LYRM4: variants seen among roughly 807,000 people sequenced by gnomAD.
LYRM4 encodes the protein LYR motif-containing protein 4.
A neutral mutation model predicts 11.7 loss-of-function variants in LYRM4; 9 were observed. That is an observed-to-expected ratio of 0.77 (90% CI 0.46 to 1.34). The LOEUF is 1.34. Among genes scored for constraint, LYRM4 ranks in the 40% most tolerant of loss-of-function variants. The pLI is 0.00. For missense variants in LYRM4, 133 were observed against 112.5 expected, an observed-to-expected ratio of 1.18 and a Z score of -0.82; for synonymous variants, 42 against 40.4, an observed-to-expected ratio of 1.04 and a Z score of -0.15.
chr6:5,071,442 A>T, the LYRM4 span, among the ~76,000 whole-genome samples: 1 of 147,266 alleles, frequency 6.8e-6, no homozygotes, highest in South Asian at 2.1e-4. Flanking sequence ...TCCAGCAAGC[A>T]GGGCTGGGAC....
At chr6:5,219,489 T>C (rs1023782106) in intron 1 of LYRM4, among the ~76,000 whole-genome samples, 2 of 152,250 alleles carry the variant, frequency 1.3e-5, no homozygotes, top group African/African-American at 2.4e-5. Flanking sequence ...AAGCACCCAG[T>C]GTTATTCTTC....
chr6:5,183,977 T>C (rs1319774684), intron 2 of LYRM4, among the ~76,000 whole-genome samples: 2 of 152,240 alleles, frequency 1.3e-5, no homozygotes, highest in Non-Finnish European at 2.9e-5. Flanking sequence ...GATTAAATCA[T>C]TTCACAATGT....
chr6:5,211,210 T>C (rs1164007421), intron 2 of LYRM4, among the ~76,000 whole-genome samples: 1 of 152,176 alleles, frequency 6.6e-6, no homozygotes, highest in African/African-American at 2.4e-5. Context: ...GATATCACTT[T>C]CATTAAAGTT....
At chr6:5,187,226 A>G (rs1344111451) in intron 2 of LYRM4, among the ~76,000 whole-genome samples, 1 of 152,212 alleles carries the variant, frequency 6.6e-6, no homozygotes, top group Non-Finnish European at 1.5e-5. Flanking sequence ...GGGCTGAAGA[A>G]TCAGGGTGAA....
At chr6:5,242,866 C>T (rs1404166837) in intron 1 of LYRM4, among the ~76,000 whole-genome samples, 1 of 150,392 alleles carries the variant, frequency 6.6e-6, no homozygotes, top group Non-Finnish European at 1.5e-5. Flanking sequence ...CTCCGCTTCC[C>T]AGGTTCACGC....
At chr6:5,228,936 A>G (rs144635403) in intron 1 of LYRM4, among the ~76,000 whole-genome samples, 6,877 of 148,968 alleles carry the variant, frequency 0.046, 514 homozygotes, top group African/African-American at 0.15. Flanking sequence ...CCCGGGAGAC[A>G]GAGCTTGCAG....
At chr6:5,100,001 T>G (rs141504834), downstream of LYRM4, among the ~76,000 whole-genome samples, 55 of 152,346 alleles carry the variant, frequency 3.6e-4, no homozygotes, top group Admixed American at 7.2e-4. Context: ...CATTTAGACC[T>G]GTCAATGTCT....
At chr6:5,061,816 G>A in the LYRM4 span, among the ~76,000 whole-genome samples, 1 of 152,138 alleles carries the variant, frequency 6.6e-6, no homozygotes, top group African/African-American at 2.4e-5. Context: ...TGGAAGAAAT[G>A]AACACCATGA....
At chr6:5,208,201 C>T (rs1280719790) in intron 2 of LYRM4, among the ~76,000 whole-genome samples, 1 of 152,078 alleles carries the variant, frequency 6.6e-6, no homozygotes, top group Non-Finnish European at 1.5e-5. Flanking sequence ...CACACATCAT[C>T]ACTGCTGCCA....
rs1420883271 is a variant in LYRM4 at position 5,136,882 on chromosome 6, G to A, written c.208-27391C>T. ...ACCATCAAATCTATCCAATTAAAGT[G>A]TACAATTCAATGGTTTTTAGTATAT... On this transcript the variant is annotated intron_variant, in intron 2 of 2. Transcript: ENST00000330636. The A allele has an allele frequency of 4.2e-6, 4 of 952,236 alleles. No individual in the cohort carries two copies. In the African/African-American group the frequency reaches 5.3e-5, roughly 13 times the overall value. The allele number at this position is 952,236 out of a possible 1,614,324, so 59.0% of individuals were successfully genotyped here.
intron 2 of LYRM4, among the ~76,000 whole-genome samples, chr6:5,122,967 G>C (rs1281499133): frequency 6.6e-6 from 1 of 152,182 alleles, no homozygotes; most frequent in East Asian, 1.9e-4. Flanking sequence ...TAAACACGTG[G>C]CCAGCAACAC....
At chr6:5,123,971 G>T (rs902958743) in intron 2 of LYRM4, among the ~76,000 whole-genome samples, 1 of 152,222 alleles carries the variant, frequency 6.6e-6, no homozygotes, top group Non-Finnish European at 1.5e-5. Context: ...CTGGGGTCTG[G>T]GAGGTGGGGA....
chr6:5,041,421 T>G, the LYRM4 span, among the ~76,000 whole-genome samples: 1 of 152,234 alleles, frequency 6.6e-6, no homozygotes, highest in African/African-American at 2.4e-5. Context: ...AGATGTTCTC[T>G]CTAAAGGCTA....
intron 2 of LYRM4, among the ~76,000 whole-genome samples, chr6:5,144,532 GA>G (rs1757593635): frequency 6.7e-6 from 1 of 149,154 alleles, no homozygotes; most frequent in African/African-American, 2.5e-5. Context: ...AGCTACTTGG[GA>G]GGCTGAGGCA....
At chr6:5,188,824 C>A (rs1013170484) in intron 2 of LYRM4, among the ~76,000 whole-genome samples, 1 of 152,104 alleles carries the variant, frequency 6.6e-6, no homozygotes, top group Non-Finnish European at 1.5e-5. Flanking sequence ...AGTGCAGTGG[C>A]GCAATCATGG....
chr6:5,243,156 G>A (rs917083742), intron 1 of LYRM4, among the ~76,000 whole-genome samples: 1 of 152,200 alleles, frequency 6.6e-6, no homozygotes, highest in Non-Finnish European at 1.5e-5. Flanking sequence ...TGCTCAGTTC[G>A]TGTGTCTGCT....
At chr6:5,166,388 G>A (rs1437841091) in intron 2 of LYRM4, among the ~76,000 whole-genome samples, 2 of 152,234 alleles carry the variant, frequency 1.3e-5, no homozygotes, top group Non-Finnish European at 2.9e-5. Flanking sequence ...GCCCTGTCAC[G>A]TGATACTCCA....
At chr6:5,244,468 T>C (rs773436317) in intron 1 of LYRM4, among the ~76,000 whole-genome samples, 21 of 152,274 alleles carry the variant, frequency 1.4e-4, no homozygotes, top group Non-Finnish European at 2.2e-4. Flanking sequence ...CCTTAGGGGA[T>C]GGACCAGATC....
At chr6:5,220,690 A>T (rs1762529589) in intron 1 of LYRM4, among the ~76,000 whole-genome samples, 1 of 152,142 alleles carries the variant, frequency 6.6e-6, no homozygotes, top group Non-Finnish European at 1.5e-5. Context: ...ATTCACCCTT[A>T]TGCATCTTTG....
Sources: allele counts gnomAD v4.1 joint callset (sites outside exome capture counted in the v4.1 genomes callset), GRCh38; gene constraint gnomAD v4.1.1; transcripts MANE v1.5; gene names NCBI Gene and HGNC (gene_info 2026-07-23, HGNC 2026-07-21).